Variants in WWOX observed in about 807,000 individuals in gnomAD.
The protein encoded by WWOX is WW domain containing oxidoreductase, also known as WW domain-containing oxidoreductase.
In WWOX, 69 loss-of-function variants were observed where a neutral mutation model predicts 46.2. The ratio of observed to expected loss-of-function variants is 1.49; its 90% CI spans 1.23 to 1.82. WWOX has a LOEUF of 1.82. Among genes scored for constraint, WWOX ranks in the 40% most tolerant of loss-of-function variants. WWOX has a pLI of 0.00. For missense variants in WWOX, 919 were observed against 542.6 expected (o/e 1.69, Z -6.89); for synonymous variants, 359 against 202.6 (o/e 1.77, Z -6.56).
intron 8 of WWOX, among the ~76,000 whole-genome samples, chr16:78,539,358 C>CT (rs2043832990): frequency 6.6e-6 from 1 of 152,168 alleles, no homozygotes. Context: ...TGTTTCCCTG[C>CT]TAGGGGCTCT....
chr16:78,889,776 G>T lies in WWOX; in HGVS notation c.1057-321832G>T, dbSNP rs1019080634. ...TCCCTATTTTGTTTTGTTCCGCCTC[G>T]ATCACAACAGCTGCCACCCGAGGTT... On this transcript the variant is annotated intron_variant, in intron 8 of 8. Transcript: ENST00000566780. Among the ~76,000 whole-genome samples the T allele has an allele frequency of 9.9e-5, 15 of 152,162 alleles. 1 individual carries two copies. The highest frequency in any genetic ancestry group is 8.5e-4 in the Admixed American group (13 of 15,272).
chr16:78,695,371 CAATG>C (rs1567497150), intron 8 of WWOX, among the ~76,000 whole-genome samples: 3 of 152,116 alleles, frequency 2.0e-5, no homozygotes, highest in African/African-American at 2.4e-5. Context: ...AAGCAGGAAA[CAATG>C]AATGAGTTTT....
intron 8 of WWOX, among the ~76,000 whole-genome samples, chr16:78,901,730 C>A (rs1057372507): frequency 1.3e-5 from 2 of 152,234 alleles, no homozygotes; most frequent in African/African-American, 4.8e-5. Context: ...CTTAAGCGAT[C>A]CACCTGCCAT....
chr16:78,882,720 C>G (rs929820084), intron 8 of WWOX, among the ~76,000 whole-genome samples: 10 of 151,948 alleles, frequency 6.6e-5, no homozygotes, highest in Admixed American at 5.2e-4. Context: ...TATTTCTGAC[C>G]TCAAGTGATC....
At chr16:78,868,886 C>A (rs572954965) in intron 8 of WWOX, among the ~76,000 whole-genome samples, 1 of 152,100 alleles carries the variant, frequency 6.6e-6, no homozygotes, top group Non-Finnish European at 1.5e-5. Flanking sequence ...TCTTTGCATC[C>A]CTTAGAAATT....
intron 6 of WWOX, among the ~76,000 whole-genome samples, chr16:78,421,088 G>A (rs1056384562): frequency 4.5e-4 from 68 of 152,012 alleles, no homozygotes; most frequent in African/African-American, 1.6e-3. Flanking sequence ...GGATTCTTGG[G>A]CATAAACGTT....
At chr16:78,947,067 A>G (rs74656666) in intron 8 of WWOX, among the ~76,000 whole-genome samples, 2 of 113,280 alleles carry the variant, frequency 1.8e-5, no homozygotes, top group African/African-American at 2.8e-5. Flanking sequence ...TTCTTTTTTT[A>G]AAAAAAAGCC....
chr16:78,529,505 G>C (rs1266571609), intron 8 of WWOX, among the ~76,000 whole-genome samples: 1 of 151,864 alleles, frequency 6.6e-6, no homozygotes, highest in Non-Finnish European at 1.5e-5. Flanking sequence ...CTTGCACTGT[G>C]TCCTGGGCTG....
chr16:79,111,954 A>T (rs1376852831), intron 8 of WWOX, among the ~76,000 whole-genome samples: 1 of 152,034 alleles, frequency 6.6e-6, no homozygotes, highest in Non-Finnish European at 1.5e-5. Flanking sequence ...CTTCTTGATG[A>T]TGAGTTGTCT....
At chr16:78,360,957 A>T (rs913823782) in intron 5 of WWOX, among the ~76,000 whole-genome samples, 4 of 152,104 alleles carry the variant, frequency 2.6e-5, no homozygotes, top group Middle Eastern at 3.4e-3. Flanking sequence ...AGTATCTGGG[A>T]CTATACGCAT....
intron 6 of WWOX, among the ~76,000 whole-genome samples, chr16:78,407,951 C>T (rs112697573): frequency 6.6e-6 from 1 of 152,148 alleles, no homozygotes; most frequent in Non-Finnish European, 1.5e-5. Context: ...TAGGAATGGA[C>T]ATATCCCAAG....
chr16:79,119,190 TAAAA>T (rs10545268), intron 8 of WWOX, among the ~76,000 whole-genome samples: 1 of 148,324 alleles, frequency 6.7e-6, no homozygotes, highest in Admixed American at 6.7e-5. Flanking sequence ...GAGTGCTCAT[TAAAA>T]AAAAAAAAAT....
At position 79,051,102 on chromosome 16, in the gene WWOX, G is replaced by A. The variant is rs539371820; in HGVS notation, c.1057-160506G>A. 1.2e-3 allele frequency among the ~76,000 whole-genome samples: 189 copies of A among 152,262 alleles called. 3 individuals carry two copies. In the South Asian group the frequency reaches 0.021, roughly 17 times the overall value. On this transcript the variant is annotated intron_variant, in intron 8 of 8. Transcript: ENST00000566780. ...GCCATCACAACAGTAAAATAAACAG[G>A]TGTGACTGCAGCCCTACTCCTCGGG...
intron 5 of WWOX, among the ~76,000 whole-genome samples, chr16:78,201,237 T>C (rs773317679): frequency 3.3e-5 from 5 of 152,232 alleles, no homozygotes; most frequent in African/African-American, 7.2e-5. Context: ...CCAAAATGAT[T>C]GTCTGTTAAG....
In WWOX at chr16:78,993,266, G is replaced by A. The variant is rs575785582; in HGVS notation, c.1057-218342G>A. On this transcript the variant is annotated intron_variant, in intron 8 of 8. Coordinates refer to ENST00000566780, the MANE Select transcript of WWOX (RefSeq NM_016373.4). Reference sequence around the variant, plus strand: ...GGCGCCGAAACTTTACTATTTGGGGGTGGGGGGAGGTTGGGGAAGGGAGGC... The same window carrying A: ...GGCGCCGAAACTTTACTATTTGGGGATGGGGGGAGGTTGGGGAAGGGAGGC... 1.1e-4 allele frequency among the ~76,000 whole-genome samples: 16 copies of A among 151,826 alleles called. No homozygotes were observed. The East Asian group carries it at 3.1e-3, about 30-fold the overall frequency.
intron 5 of WWOX, among the ~76,000 whole-genome samples, chr16:78,172,800 G>T (rs1225272673): frequency 6.6e-6 from 1 of 152,110 alleles, no homozygotes; most frequent in Non-Finnish European, 1.5e-5. Context: ...GGGGTCCCCT[G>T]AGTTCTTATT....
intron 8 of WWOX, among the ~76,000 whole-genome samples, chr16:78,769,161 A>T (rs900250749): frequency 6.6e-6 from 1 of 152,332 alleles, no homozygotes; most frequent in African/African-American, 2.4e-5. Context: ...GAAAGGTTAA[A>T]TGGAAATTAT....
At chr16:79,063,447 T>G (rs1009853426) in intron 8 of WWOX, among the ~76,000 whole-genome samples, 3 of 152,210 alleles carry the variant, frequency 2.0e-5, no homozygotes, top group African/African-American at 7.2e-5. Context: ...TAAACTAACT[T>G]GGTCTCTGCT....
At chr16:79,079,742 A>G (rs2048725714) in intron 8 of WWOX, among the ~76,000 whole-genome samples, 1 of 152,242 alleles carries the variant, frequency 6.6e-6, no homozygotes, top group Non-Finnish European at 1.5e-5. Context: ...CAGGCTTTGC[A>G]ACAGGGAACT....
Sources: gnomAD v4.1 joint callset for allele counts (sites outside exome capture counted in the v4.1 genomes callset) on GRCh38, gnomAD v4.1.1 for gene constraint, MANE v1.5 for transcripts, NCBI Gene and HGNC (gene_info 2026-07-23, HGNC 2026-07-21) for gene names.